GPC5: variants seen among roughly 807,000 people sequenced by gnomAD.
GPC5 encodes glypican 5, also known as glypican-5.
A neutral mutation model predicts 53.9 loss-of-function variants in GPC5; 47 were observed. That is an observed-to-expected ratio of 0.87 (90% CI 0.69 to 1.11). The LOEUF (loss-of-function observed/expected upper bound fraction) is 1.11, where lower values mean the gene tolerates loss of function less well. Ranked by LOEUF, GPC5 falls within the 50% of genes most tolerant of loss-of-function variation. The pLI is 0.00. For synonymous variants in GPC5, 286 were observed against 263.3 expected (o/e 1.09, Z -0.84); for missense variants, 748 against 713.1 (o/e 1.05, Z -0.56).
intron 2 of GPC5, among the ~76,000 whole-genome samples, chr13:91,624,489 A>G (rs1157243260): frequency 1.3e-5 from 2 of 152,156 alleles, no homozygotes; most frequent in Admixed American, 6.5e-5. Context: ...TTCTGAAATC[A>G]GATCTAATAG....
chr13:92,207,351 G>A (rs2042345022), intron 7 of GPC5, among the ~76,000 whole-genome samples: 1 of 152,160 alleles, frequency 6.6e-6, no homozygotes, highest in Admixed American at 6.5e-5. Context: ...AGTTTTAAAG[G>A]TATAATTTCT....
chr13:91,510,644 T>A (rs1885188529), intron 2 of GPC5, among the ~76,000 whole-genome samples: 1 of 152,226 alleles, frequency 6.6e-6, no homozygotes, highest in Admixed American at 6.5e-5. Flanking sequence ...TATAAAAGTC[T>A]TGCTAAACTG....
At chr13:91,962,109 A>C (rs1319842580) in intron 6 of GPC5, among the ~76,000 whole-genome samples, 2 of 152,116 alleles carry the variant, frequency 1.3e-5, no homozygotes, top group Non-Finnish European at 2.9e-5. Context: ...AAAGATTAAG[A>C]AGTGTTTATT....
intron 6 of GPC5, among the ~76,000 whole-genome samples, chr13:91,954,329 A>G (rs1235415338): frequency 6.6e-6 from 1 of 152,236 alleles, no homozygotes; most frequent in Non-Finnish European, 1.5e-5. Context: ...ATTACTTCAG[A>G]TCCTAAACAA....
chr13:91,543,307 C>T (rs969293467), intron 2 of GPC5, among the ~76,000 whole-genome samples: 1 of 152,122 alleles, frequency 6.6e-6, no homozygotes, highest in African/African-American at 2.4e-5. Flanking sequence ...TTTTTGTATA[C>T]TTTACCCTTG....
At chr13:91,551,592 G>C (rs2030642118) in intron 2 of GPC5, among the ~76,000 whole-genome samples, 1 of 152,080 alleles carries the variant, frequency 6.6e-6, no homozygotes, top group Admixed American at 6.6e-5. Flanking sequence ...AGAGATTAAA[G>C]AAAAATGTAT....
chr13:91,433,431 A>G (rs995919375), intron 1 of GPC5, among the ~76,000 whole-genome samples: 3 of 139,662 alleles, frequency 2.1e-5, no homozygotes, highest in African/African-American at 5.4e-5. Flanking sequence ...ATTCCCACCT[A>G]TGAGTGAGAA....
intron 6 of GPC5, among the ~76,000 whole-genome samples, chr13:91,958,761 A>G (rs1477110046): frequency 6.6e-6 from 1 of 152,106 alleles, no homozygotes; most frequent in East Asian, 1.9e-4. Flanking sequence ...AAATTAAACA[A>G]CATGCTCCTG....
At chr13:92,255,096 A>G (rs1044463354) in intron 7 of GPC5, among the ~76,000 whole-genome samples, 16 of 152,208 alleles carry the variant, frequency 1.1e-4, no homozygotes, top group Admixed American at 8.5e-4. Context: ...GAGGAGATGC[A>G]TAAGTTGTAT....
chr13:92,092,952 C>A (rs1306233278), intron 6 of GPC5, among the ~76,000 whole-genome samples: 2 of 151,540 alleles, frequency 1.3e-5, no homozygotes, highest in South Asian at 2.1e-4. Context: ...AGCCAATATC[C>A]CTAGGGTGAT....
chr13:91,580,927 G>T (rs2032337756), intron 2 of GPC5, among the ~76,000 whole-genome samples: 2 of 152,204 alleles, frequency 1.3e-5, no homozygotes, highest in Admixed American at 1.3e-4. Flanking sequence ...AGCATGGGTG[G>T]CGAGGCCTCA....
At chr13:92,047,751 A>G (rs544556833) in intron 6 of GPC5, among the ~76,000 whole-genome samples, 26 of 148,634 alleles carry the variant, frequency 1.7e-4, no homozygotes, top group Non-Finnish European at 3.7e-4. Flanking sequence ...CAGGCGGATC[A>G]TGAGGTCAGG....
chr13:92,637,771 T>G (rs1485865166), intron 7 of GPC5, among the ~76,000 whole-genome samples: 1 of 151,262 alleles, frequency 6.6e-6, no homozygotes, highest in Non-Finnish European at 1.5e-5. Context: ...GATACCATAT[T>G]GAAGAGAAAA....
At chr13:92,070,422 T>C (rs1359819797) in intron 6 of GPC5, among the ~76,000 whole-genome samples, 1 of 152,212 alleles carries the variant, frequency 6.6e-6, no homozygotes, top group Non-Finnish European at 1.5e-5. Context: ...CCCATTGTTA[T>C]TAATCTGCCC....
intron 7 of GPC5, among the ~76,000 whole-genome samples, chr13:92,334,855 A>C (rs892551921): frequency 1.3e-5 from 2 of 152,160 alleles, no homozygotes; most frequent in Non-Finnish European, 2.9e-5. Flanking sequence ...CTGATGCAAA[A>C]GGTGGGTTCC....
intron 7 of GPC5, among the ~76,000 whole-genome samples, chr13:92,745,411 A>T (rs937527545): frequency 3.3e-5 from 5 of 152,090 alleles, no homozygotes; most frequent in Non-Finnish European, 7.4e-5. Context: ...ATTCCTATGG[A>T]ATCACTGGTA....
chr13:91,420,454 A>G (rs922872880), intron 1 of GPC5, among the ~76,000 whole-genome samples: 3 of 152,176 alleles, frequency 2.0e-5, no homozygotes, highest in African/African-American at 7.2e-5. Flanking sequence ...GGCTTTCAGC[A>G]TGTCAAGCTG....
At chr13:92,027,054 T>C (rs1566400941) in intron 6 of GPC5, among the ~76,000 whole-genome samples, 1 of 152,216 alleles carries the variant, frequency 6.6e-6, no homozygotes, top group Non-Finnish European at 1.5e-5. Flanking sequence ...GACTAGATTT[T>C]ACAGTCACCA....
At chr13:92,133,462 G>A (rs1176504436) in intron 6 of GPC5, among the ~76,000 whole-genome samples, 1 of 152,144 alleles carries the variant, frequency 6.6e-6, no homozygotes, top group Admixed American at 6.5e-5. Context: ...GCTAATGAAG[G>A]AAATCCAGAT....
Sources: gnomAD v4.1 joint callset for allele counts (sites outside exome capture counted in the v4.1 genomes callset) on GRCh38, gnomAD v4.1.1 for gene constraint, MANE v1.5 for transcripts, NCBI Gene and HGNC (gene_info 2026-07-23, HGNC 2026-07-21) for gene names.